DAPK1: variants seen among roughly 807,000 people sequenced by gnomAD.
The protein encoded by DAPK1 is death associated protein kinase 1.
In DAPK1, 56 loss-of-function variants were observed where a neutral mutation model predicts 144.9. That is an observed-to-expected ratio of 0.39 (90% CI 0.31 to 0.48). The LOEUF (loss-of-function observed/expected upper bound fraction) is 0.48, where lower values mean the gene tolerates loss of function less well. Ranked by LOEUF, DAPK1 falls within the 20% of genes least tolerant of loss-of-function variation. The pLI, the probability that DAPK1 is intolerant of heterozygous loss-of-function variation, is 0.95. For synonymous variants in DAPK1, 690 were observed against 749.0 expected (o/e 0.92, Z 1.29); for missense variants, 1,454 against 1,875.4 (o/e 0.78, Z 4.15).
Position 87,686,616 on chromosome 9 carries a change from A to G in DAPK1, c.2290A>G (p.Met764Val). 1 of 1,608,984 alleles carries G rather than the reference A, an allele frequency of 6.2e-7. No homozygotes were observed. The highest frequency in any genetic ancestry group is 8.5e-7 in the Non-Finnish European group (1 of 1,176,812). ...CGTGAGTGTGAGGAGCCGCAGCATGATGTTCGAGCCGGGTCTTACCAAAGG... is the reference window on the plus strand; with the variant it reads ...CGTGAGTGTGAGGAGCCGCAGCATGGTGTTCGAGCCGGGTCTTACCAAAGG... ...ENVSVRSRSM[M>V]FEPGLTKGML... The change falls in exon 21 of 26, where the codon ATG becomes GTG. Residue 764 changes from methionine (M) to valine (V), a missense_variant. This residue lies in a region of DAPK1 where 1,025 missense variants were observed against 1,237.9 expected (regional missense o/e 0.83). Coordinates refer to ENST00000408954, the MANE Select transcript of DAPK1 (RefSeq NM_004938.4). The surrounding 1 kb of genome is among the most constrained non-coding windows in gnomAD (Gnocchi z 4.2).
At chr9:87,545,003 C>T (rs1351947362) in intron 2 of DAPK1, among the ~76,000 whole-genome samples, 4 of 152,174 alleles carry the variant, frequency 2.6e-5, no homozygotes, top group Admixed American at 2.0e-4. Context: ...ATCTTCAGTA[C>T]TGTTGGTGGT....
Position 87,510,487 on chromosome 9 carries a change from C to T in DAPK1, c.62+11348C>T, listed in dbSNP as rs150460355. Among the ~76,000 whole-genome samples the T allele has an allele frequency of 2.9e-4, 44 of 152,360 alleles. 2 individuals carry two copies. Among genetic ancestry groups the T allele is most frequent in the African/African-American group, 1.1e-3 (44 of 41,590 alleles). On this transcript the variant is annotated intron_variant, in intron 2 of 25. Coordinates refer to ENST00000408954, the MANE Select transcript of DAPK1 (RefSeq NM_004938.4). The stretch of plus-strand genomic sequence containing the variant: ...CAACCTCTCCAGAGCATGTCCTAGG[C>T]TACTCCTCCAGGAAGGCTCCTGCTC...
At chr9:87,642,657 A>G (rs768449627) in intron 10 of DAPK1, among the ~76,000 whole-genome samples, 5 of 152,178 alleles carry the variant, frequency 3.3e-5, no homozygotes, top group Non-Finnish European at 5.9e-5. Flanking sequence ...TGTCAAACCT[A>G]GAGGAAGTGG....
chr9:87,661,328 A>T (rs560519441), intron 18 of DAPK1, among the ~76,000 whole-genome samples: 4 of 152,314 alleles, frequency 2.6e-5, no homozygotes, highest in Non-Finnish European at 2.9e-5. Context: ...GTAGATACCC[A>T]GTAGTAGGGT....
intron 2 of DAPK1, among the ~76,000 whole-genome samples, chr9:87,502,490 G>A (rs986833752): frequency 6.6e-6 from 1 of 152,114 alleles, no homozygotes; most frequent in Non-Finnish European, 1.5e-5. Context: ...TTGGCACCTC[G>A]GGCAGCTGCA....
chr9:87,621,051 C>T (rs551517674), intron 3 of DAPK1, among the ~76,000 whole-genome samples: 3 of 152,308 alleles, frequency 2.0e-5, no homozygotes, highest in African/African-American at 2.4e-5. Flanking sequence ...AGTTCCAGCC[C>T]GGGAATCTCC....
intron 3 of DAPK1, among the ~76,000 whole-genome samples, chr9:87,622,682 A>C (rs1217092243): frequency 6.6e-6 from 1 of 152,136 alleles, no homozygotes; most frequent in Non-Finnish European, 1.5e-5. Flanking sequence ...AGGCCGAGGC[A>C]GGTGGATTGC....
chr9:87,691,328 G>T (rs1369649945), intron 21 of DAPK1, among the ~76,000 whole-genome samples: 1 of 152,012 alleles, frequency 6.6e-6, no homozygotes, highest in East Asian at 1.9e-4. Flanking sequence ...TGTGGCATCA[G>T]TTGTAATACC....
At position 87,647,747 on chromosome 9, in the gene DAPK1, C is replaced by T. The variant is rs555270583; in HGVS notation, c.1329+344C>T. On this transcript the variant is annotated intron_variant, in intron 14 of 25. Coordinates refer to ENST00000408954, the MANE Select transcript of DAPK1 (RefSeq NM_004938.4). Reference sequence around the variant, plus strand: ...CAACCTTGTGCTTTTAAGCGGATCTCTCCTATTCTCTTCTTCTTTGAAGTG... The same window carrying T: ...CAACCTTGTGCTTTTAAGCGGATCTTTCCTATTCTCTTCTTCTTTGAAGTG... Among the ~76,000 whole-genome samples the T allele has an allele frequency of 3.3e-5, 5 of 152,320 alleles. No individual in the cohort carries two copies. The East Asian group carries it at 9.7e-4, about 29-fold the overall frequency.
chr9:87,524,868 A>G (rs111781680), intron 2 of DAPK1, among the ~76,000 whole-genome samples: 13,450 of 152,134 alleles, frequency 0.088, 862 homozygotes, highest in East Asian at 0.33. Flanking sequence ...GAATGACACA[A>G]TAGACTTTGG....
upstream of DAPK1, chr9:87,497,701 G>A (rs1053343695): frequency 2.7e-5 from 6 of 223,066 alleles, no homozygotes; most frequent in Admixed American, 5.8e-5. Context: ...AGCGAGCCCG[G>A]AGCGCGGAGC....
At chr9:87,699,824 C>T (rs1825397554) in intron 23 of DAPK1, among the ~76,000 whole-genome samples, 1 of 152,184 alleles carries the variant, frequency 6.6e-6, no homozygotes, top group South Asian at 2.1e-4. Flanking sequence ...TAGGCCTCAC[C>T]TTTCCTGCCT....
chr9:87,681,807 A>G (rs1824640791), intron 20 of DAPK1, 181 bp downstream of exon 20: 1 of 620,520 alleles, frequency 1.6e-6, no homozygotes, highest in Non-Finnish European at 2.9e-6. Flanking sequence ...CCTGTTGTCC[A>G]GCAGTAACAG....
intron 17 of DAPK1, among the ~76,000 whole-genome samples, chr9:87,657,265 C>T (rs1246321968): frequency 2.0e-5 from 3 of 152,172 alleles, no homozygotes; most frequent in Non-Finnish European, 4.4e-5. Context: ...TTTTCTTTTC[C>T]TTCTTCCATG....
At chr9:87,563,250 A>G (rs577855508) in intron 2 of DAPK1, among the ~76,000 whole-genome samples, 3 of 152,210 alleles carry the variant, frequency 2.0e-5, no homozygotes, top group African/African-American at 7.2e-5. Context: ...AATCCACACA[A>G]ATTTATTAAA....
intron 1 of DAPK1, 125 bp downstream of exon 1, chr9:87,498,232 G>A: frequency 1.0e-5 from 4 of 395,808 alleles, no homozygotes; most frequent in Non-Finnish European, 1.8e-5. Flanking sequence ...CAAGGCGGAG[G>A]GAAACTTGGC....
intron 18 of DAPK1, among the ~76,000 whole-genome samples, chr9:87,666,833 T>C (rs1327519534): frequency 2.0e-5 from 3 of 152,034 alleles, no homozygotes; most frequent in African/African-American, 7.3e-5. Context: ...CAGTGGAGAG[T>C]TCATCCTGTC....
At chr9:87,619,964 C>T (rs537975511) in intron 3 of DAPK1, among the ~76,000 whole-genome samples, 60 of 152,340 alleles carry the variant, frequency 3.9e-4, no homozygotes, top group African/African-American at 1.3e-3. Flanking sequence ...ATTACAGCAT[C>T]CTCCATGGCA....
intron 17 of DAPK1, among the ~76,000 whole-genome samples, chr9:87,656,269 A>G (rs947068380): frequency 1.3e-5 from 2 of 152,040 alleles, no homozygotes; most frequent in Non-Finnish European, 2.9e-5. Flanking sequence ...GGAAGGGAGA[A>G]AATGAAGCTG....
Sources: allele counts gnomAD v4.1 joint callset (sites outside exome capture counted in the v4.1 genomes callset), GRCh38; gene constraint gnomAD v4.1.1; regional missense constraint gnomAD v4.1.1; non-coding constraint Gnocchi (gnomAD v3.1); transcripts MANE v1.5; gene names NCBI Gene and HGNC (gene_info 2026-07-23, HGNC 2026-07-21).